Variants in MAST4 observed in about 807,000 individuals in gnomAD.
MAST4 encodes microtubule-associated serine/threonine-protein kinase 4.
A neutral mutation model predicts 162.7 loss-of-function variants in MAST4; 89 were observed. That is an observed-to-expected ratio of 0.55 (90% CI 0.46 to 0.65). The LOEUF (loss-of-function observed/expected upper bound fraction) is 0.65. Among genes scored for constraint, MAST4 ranks in the 30% least tolerant of loss-of-function variants. The pLI, the probability that MAST4 is intolerant of heterozygous loss-of-function variation, is 0.00. For missense variants in MAST4, 3,153 were observed against 3,374.0 expected (o/e 0.93, Z 1.62); for synonymous variants, 1,479 against 1,361.1 (o/e 1.09, Z -1.91).
intron 3 of MAST4, among the ~76,000 whole-genome samples, chr5:66,809,494 T>G (rs991174380): frequency 6.6e-6 from 1 of 152,274 alleles, no homozygotes; most frequent in Non-Finnish European, 1.5e-5. Context: ...CGCTGCTGAT[T>G]TGCATTTTCA....
chr5:66,610,136 T>A (rs76212927), intron 1 of MAST4, among the ~76,000 whole-genome samples: 51 of 152,318 alleles, frequency 3.3e-4, no homozygotes, highest in African/African-American at 1.1e-3. Flanking sequence ...ATCTGTTCCA[T>A]GCCTCTTTGT....
At chr5:66,715,029 C>T (rs1001075031) in intron 1 of MAST4, among the ~76,000 whole-genome samples, 1 of 152,190 alleles carries the variant, frequency 6.6e-6, no homozygotes, top group Non-Finnish European at 1.5e-5. Flanking sequence ...TGATGACTTT[C>T]CAAGAGGCAC....
chr5:66,692,338 G>A (rs1449441427), intron 1 of MAST4, among the ~76,000 whole-genome samples: 1 of 151,388 alleles, frequency 6.6e-6, no homozygotes, highest in East Asian at 1.9e-4. Context: ...CCCTATATAA[G>A]CTCTTTTGTG....
At chr5:66,670,164 T>C (rs1309476932) in intron 1 of MAST4, among the ~76,000 whole-genome samples, 1 of 152,182 alleles carries the variant, frequency 6.6e-6, no homozygotes, top group East Asian at 1.9e-4. Flanking sequence ...GTGACAGTCC[T>C]ATGCGTCTTC....
intron 4 of MAST4, among the ~76,000 whole-genome samples, chr5:66,945,546 A>G (rs1202322641): frequency 6.6e-6 from 1 of 151,950 alleles, no homozygotes; most frequent in African/African-American, 2.4e-5. Flanking sequence ...TTTTGTGGGG[A>G]CTGCCCCTCA....
intron 4 of MAST4, among the ~76,000 whole-genome samples, chr5:66,928,222 G>C (rs1402784622): frequency 6.6e-6 from 1 of 152,150 alleles, no homozygotes; most frequent in Non-Finnish European, 1.5e-5. Context: ...AAGTCTAGAA[G>C]GCAGATTCTA....
chr5:67,000,307 G>A (rs745759354), intron 4 of MAST4, among the ~76,000 whole-genome samples: 2 of 152,214 alleles, frequency 1.3e-5, no homozygotes, highest in Non-Finnish European at 2.9e-5. Context: ...CTCATGGCCC[G>A]AGTGTCCTGC....
chr5:66,794,303 G>T (rs1755549211), intron 3 of MAST4, among the ~76,000 whole-genome samples: 1 of 150,486 alleles, frequency 6.6e-6, no homozygotes, highest in African/African-American at 2.4e-5. Context: ...ATTAGCCTCA[G>T]TTAGGGCTGA....
chr5:66,886,077 T>G (rs557498682), intron 3 of MAST4, among the ~76,000 whole-genome samples: 4 of 152,160 alleles, frequency 2.6e-5, no homozygotes, highest in Non-Finnish European at 4.4e-5. Context: ...AAGTCGAGGC[T>G]GGCACTCACT....
At chr5:67,052,373 A>G (rs1007349942) in intron 4 of MAST4, among the ~76,000 whole-genome samples, 2 of 152,072 alleles carry the variant, frequency 1.3e-5, no homozygotes, top group African/African-American at 4.8e-5. Context: ...TTTTTGAATC[A>G]CATTTTTGAA....
At chr5:66,835,862 T>C (rs866163787) in intron 3 of MAST4, among the ~76,000 whole-genome samples, 139 of 152,306 alleles carry the variant, frequency 9.1e-4, no homozygotes, top group African/African-American at 3.1e-3. Flanking sequence ...AAAATTGCCT[T>C]CATTGCCATT....
chr5:67,069,881 AGT>A (rs200867949), intron 5 of MAST4, among the ~76,000 whole-genome samples: 8,074 of 142,680 alleles, frequency 0.057, 252 homozygotes, highest in East Asian at 0.096. Flanking sequence ...TTTGAGAGAA[AGT>A]GTGTGTGTGT....
intron 3 of MAST4, among the ~76,000 whole-genome samples, chr5:66,817,978 G>A (rs27508): frequency 0.16 from 24,011 of 152,068 alleles, 2,211 homozygotes; most frequent in East Asian, 0.44. Flanking sequence ...CTTCTTAAAC[G>A]TCTACTGTCA....
At chr5:66,669,985 C>G (rs1264123149) in intron 1 of MAST4, among the ~76,000 whole-genome samples, 1 of 152,174 alleles carries the variant, frequency 6.6e-6, no homozygotes, top group African/African-American at 2.4e-5. Flanking sequence ...GAATAAATGA[C>G]AAGAGGTGAG....
chr5:67,012,626 T>C (rs563656325), intron 4 of MAST4, among the ~76,000 whole-genome samples: 2 of 152,328 alleles, frequency 1.3e-5, no homozygotes, highest in South Asian at 4.1e-4. Flanking sequence ...AGTCAGTCTC[T>C]ATCAGTAGGA....
intron 4 of MAST4, among the ~76,000 whole-genome samples, chr5:66,977,545 C>T (rs981954766): frequency 1.3e-5 from 2 of 152,156 alleles, no homozygotes; most frequent in Admixed American, 1.3e-4. Flanking sequence ...AAACAAACCT[C>T]CTGCCCCTAT....
At chr5:66,739,820 G>A (rs1752380546) in intron 1 of MAST4, among the ~76,000 whole-genome samples, 1 of 150,022 alleles carries the variant, frequency 6.7e-6, no homozygotes, top group Admixed American at 6.7e-5. Context: ...TTTCTGCCAA[G>A]CAGGATGTTA....
chr5:66,797,198 A>G (rs192216880), intron 3 of MAST4, among the ~76,000 whole-genome samples: 10 of 152,220 alleles, frequency 6.6e-5, no homozygotes, highest in Admixed American at 3.9e-4. Context: ...CTTATTCTCA[A>G]AAGAAACCAA....
chr5:66,610,638 C>T (rs1044820451), intron 1 of MAST4, among the ~76,000 whole-genome samples: 8 of 152,174 alleles, frequency 5.3e-5, no homozygotes, highest in Admixed American at 6.5e-5. Flanking sequence ...GGTCTGTCTT[C>T]GCTATAGTGT....
Sources: allele counts gnomAD v4.1 joint callset (sites outside exome capture counted in the v4.1 genomes callset), GRCh38; gene constraint gnomAD v4.1.1; transcripts MANE v1.5; gene names NCBI Gene and HGNC (gene_info 2026-07-23, HGNC 2026-07-21).